POFUT3: variants seen among roughly 807,000 people sequenced by gnomAD.
The protein encoded by POFUT3 is GDP-fucose protein O-fucosyltransferase 3.
chr8:33,389,752 A>T, the POFUT3 span: 23 of 1,614,148 alleles, frequency 1.4e-5, no homozygotes, highest in East Asian at 5.1e-4. Flanking sequence ...CCCAGTCATG[A>T]TGGGCTTTCC....
At chr8:33,308,536 T>C in the POFUT3 span, among the ~76,000 whole-genome samples, 1 of 152,056 alleles carries the variant, frequency 6.6e-6, no homozygotes, top group Non-Finnish European at 1.5e-5. Flanking sequence ...TTACCAGAGA[T>C]CACTGTGGAG....
chr8:33,389,612 C>A, the POFUT3 span: 3 of 1,614,074 alleles, frequency 1.9e-6, no homozygotes, highest in East Asian at 2.2e-5. Flanking sequence ...GACTTCAATG[C>A]TCTCCAAGTA....
the POFUT3 span, chr8:33,372,070 G>T: frequency 1.3e-6 from 1 of 763,830 alleles, no homozygotes; most frequent in Non-Finnish European, 1.6e-6. Context: ...TTGAAGAGTG[G>T]ATAGTGGATA....
the POFUT3 span, among the ~76,000 whole-genome samples, chr8:33,363,129 A>T: frequency 2.4e-4 from 37 of 152,180 alleles, no homozygotes; most frequent in Admixed American, 1.0e-3. Flanking sequence ...TCAAAACCGC[A>T]CAACTACATG....
chr8:33,373,905 T>C, the POFUT3 span, among the ~76,000 whole-genome samples: 4 of 152,270 alleles, frequency 2.6e-5, no homozygotes, highest in South Asian at 6.2e-4. Context: ...ACCTAGCACA[T>C]ACCACCTGAA....
the POFUT3 span, chr8:33,455,788 G>C: frequency 5.0e-5 from 23 of 456,080 alleles, no homozygotes; most frequent in African/African-American, 4.4e-4. Context: ...TGTGCTCGCT[G>C]CTCCTGGTGT....
At chr8:33,414,523 C>G in the POFUT3 span, among the ~76,000 whole-genome samples, 1 of 152,136 alleles carries the variant, frequency 6.6e-6, no homozygotes, top group African/African-American at 2.4e-5. Flanking sequence ...AAGACACACT[C>G]ATATCTTGGA....
the POFUT3 span, among the ~76,000 whole-genome samples, chr8:33,390,395 C>T: frequency 6.6e-6 from 1 of 151,840 alleles, no homozygotes; most frequent in Non-Finnish European, 1.5e-5. Flanking sequence ...GAATTTATTC[C>T]ACTGCCTCTT....
At chr8:33,405,383 G>A in the POFUT3 span, among the ~76,000 whole-genome samples, 1 of 152,020 alleles carries the variant, frequency 6.6e-6, no homozygotes, top group Admixed American at 6.6e-5. Context: ...ACTCAGACAA[G>A]TATGGCAGTT....
chr8:33,348,714 T>C, the POFUT3 span, among the ~76,000 whole-genome samples: 282 of 152,294 alleles, frequency 1.9e-3, no homozygotes, highest in Non-Finnish European at 3.2e-3. Context: ...CTGATATTCC[T>C]GGCAGAGGAA....
the POFUT3 span, among the ~76,000 whole-genome samples, chr8:33,337,964 T>C: frequency 6.6e-6 from 1 of 152,204 alleles, no homozygotes; most frequent in Non-Finnish European, 1.5e-5. Context: ...TTTCTGTCTT[T>C]TTTGATGAGG....
At chr8:33,422,270 C>T in the POFUT3 span, among the ~76,000 whole-genome samples, 4 of 150,938 alleles carry the variant, frequency 2.7e-5, no homozygotes, top group African/African-American at 7.3e-5. Context: ...AGGCCTGGCG[C>T]GGTGGTTCCC....
At chr8:33,452,745 C>T in the POFUT3 span, 1 of 155,326 alleles carries the variant, frequency 6.4e-6, no homozygotes, top group Non-Finnish European at 1.4e-5. Context: ...TCTAGAGTAT[C>T]AGGGAGGGAA....
the POFUT3 span, chr8:33,455,942 C>T: frequency 2.4e-6 from 1 of 414,370 alleles, no homozygotes; most frequent in Non-Finnish European, 4.7e-6. Context: ...CCAAGCAGCA[C>T]TCCAGAAGGA....
chr8:33,373,014 C>CA, the POFUT3 span, among the ~76,000 whole-genome samples: 1 of 152,182 alleles, frequency 6.6e-6, no homozygotes, highest in South Asian at 2.1e-4. Context: ...AACTAAACCA[C>CA]AAAAAAGTTA....
chr8:33,312,277 TAGAGAGAGAG>T, the POFUT3 span, among the ~76,000 whole-genome samples: 3,232 of 137,602 alleles, frequency 0.023, 120 homozygotes, highest in African/African-American at 0.083. Flanking sequence ...AAAAAAGAAA[TAGAGAGAGAG>T]AGAGAGAGAG....
the POFUT3 span, among the ~76,000 whole-genome samples, chr8:33,443,965 G>C: frequency 0.011 from 1,533 of 142,150 alleles, 15 homozygotes; most frequent in Middle Eastern, 0.054. Flanking sequence ...ATTTCTACAA[G>C]CTTTTTTTTT....
chr8:33,429,736 C>T, the POFUT3 span, among the ~76,000 whole-genome samples: 6 of 152,186 alleles, frequency 3.9e-5, no homozygotes, highest in South Asian at 1.2e-3. Context: ...TGACTCACAC[C>T]TGTAATCCCA....
the POFUT3 span, among the ~76,000 whole-genome samples, chr8:33,407,920 G>A: frequency 1.3e-5 from 2 of 150,512 alleles, no homozygotes; most frequent in Non-Finnish European, 3.0e-5. Context: ...CCTAGGAGGT[G>A]GAGGTTGCAG....
Sources: gnomAD v4.1 joint callset for allele counts (sites outside exome capture counted in the v4.1 genomes callset) on GRCh38, gnomAD v4.1.1 for gene constraint, MANE v1.5 for transcripts, NCBI Gene and HGNC (gene_info 2026-07-23, HGNC 2026-07-21) for gene names.